Variants in LRRIQ3 observed in about 807,000 individuals in gnomAD.
LRRIQ3 encodes leucine rich repeats and IQ motif containing 3.
In LRRIQ3, 75 loss-of-function variants were observed where a neutral mutation model predicts 59.3. That is an observed-to-expected ratio of 1.26 (90% CI 1.05 to 1.53). LRRIQ3 has a LOEUF of 1.53. LRRIQ3 is among the 40% of genes most tolerant of loss of function. The probability of loss-of-function intolerance (pLI) is 0.00; values close to 1 mark genes in which losing one functional copy is unlikely to be tolerated. For synonymous variants in LRRIQ3, 250 were observed against 231.3 expected, an observed-to-expected ratio of 1.08 and a Z score of -0.73; for missense variants, 831 against 710.0, an observed-to-expected ratio of 1.17 and a Z score of -1.94.
rs188676722 is a variant in LRRIQ3 at position 74,108,482 on chromosome 1, T to C, written c.867+912A>G. Among the ~76,000 whole-genome samples, 372 of 151,890 alleles carry C rather than the reference T, an allele frequency of 2.4e-3. 3 individuals are homozygous for C. In the Middle Eastern group the frequency reaches 0.048, roughly 19 times the overall value. ...CACACGATTTAAGGAGTTGAGAACA[T>C]TACTATGCTATATCTGGAACACAGG... On this transcript the variant is annotated intron_variant, in intron 5 of 7. Coordinates refer to ENST00000354431, the MANE Select transcript of LRRIQ3 (RefSeq NM_001105659.2).
chr1:74,187,720 C>G (rs992628863), intron 1 of LRRIQ3, among the ~76,000 whole-genome samples: 2 of 151,658 alleles, frequency 1.3e-5, no homozygotes, highest in African/African-American at 2.4e-5. Flanking sequence ...GCACCTGTAC[C>G]CCAACAACTA....
At chr1:74,119,143 TTA>T (rs1553167914) in intron 4 of LRRIQ3, among the ~76,000 whole-genome samples, 2 of 52,944 alleles carry the variant, frequency 3.8e-5, no homozygotes, top group Non-Finnish European at 1.2e-4. Context: ...AATTGTCATT[TTA>T]TTTTTTAAAA....
intron 1 of LRRIQ3, among the ~76,000 whole-genome samples, chr1:74,186,432 T>G (rs1650384665): frequency 6.6e-6 from 1 of 152,218 alleles, no homozygotes; most frequent in South Asian, 2.1e-4. Context: ...TCTACACTTG[T>G]GTGAGACATT....
chr1:74,080,650 G>C (rs1646263625), intron 5 of LRRIQ3, among the ~76,000 whole-genome samples: 1 of 151,664 alleles, frequency 6.6e-6, no homozygotes, highest in African/African-American at 2.4e-5. Flanking sequence ...CATTCTGAAT[G>C]ATACAAATCA....
chr1:74,185,028 T>G (rs1650268421), intron 1 of LRRIQ3, among the ~76,000 whole-genome samples: 4 of 152,184 alleles, frequency 2.6e-5, no homozygotes, highest in Admixed American at 2.6e-4. Context: ...ATGGATGCAC[T>G]ATGGTTTGGT....
intron 6 of LRRIQ3, among the ~76,000 whole-genome samples, chr1:74,071,197 G>A (rs922969819): frequency 2.0e-5 from 3 of 151,914 alleles, no homozygotes; most frequent in Middle Eastern, 3.4e-3. Context: ...TTTAGAGACA[G>A]GGTCTCGCTG....
At chr1:74,165,024 G>C (rs1648888632) in intron 3 of LRRIQ3, among the ~76,000 whole-genome samples, 1 of 151,386 alleles carries the variant, frequency 6.6e-6, no homozygotes, top group Non-Finnish European at 1.5e-5. Flanking sequence ...TGATCTATGT[G>C]CCCATGTGTT....
chr1:74,098,472 A>T (rs1009027169), intron 5 of LRRIQ3, among the ~76,000 whole-genome samples: 1 of 152,150 alleles, frequency 6.6e-6, no homozygotes, highest in Non-Finnish European at 1.5e-5. Context: ...TTAACTCCCC[A>T]CTGTCAACAT....
chr1:74,072,012 A>T (rs1021307357), intron 6 of LRRIQ3, among the ~76,000 whole-genome samples: 22 of 152,182 alleles, frequency 1.4e-4, no homozygotes, highest in African/African-American at 4.8e-4. Flanking sequence ...CAATATAAGG[A>T]TTAGAAAATA....
At chr1:74,138,559 A>G in intron 4 of LRRIQ3, 1 of 909,454 alleles carries the variant, frequency 1.1e-6, no homozygotes, top group Non-Finnish European at 1.3e-6. Flanking sequence ...GGAACTCTTC[A>G]GGAGAGTGAA....
chr1:74,156,010 T>C (rs1184228377), intron 3 of LRRIQ3, 144 bp from the exon 4 acceptor site: 5 of 505,426 alleles, frequency 9.9e-6, no homozygotes, highest in Non-Finnish European at 1.6e-5. Context: ...AATTATGATA[T>C]GGTTGGATGT....
At chr1:74,138,542 T>G (rs1022479613) in intron 4 of LRRIQ3, 2 of 965,828 alleles carry the variant, frequency 2.1e-6, no homozygotes, top group African/African-American at 3.5e-5. Context: ...GGAGAAAAAC[T>G]GCAAGTGGAA....
intron 6 of LRRIQ3, among the ~76,000 whole-genome samples, chr1:74,049,559 A>G (rs1354801940): frequency 3.3e-5 from 5 of 152,198 alleles, no homozygotes; most frequent in Admixed American, 1.3e-4. Context: ...GAAAAAAATC[A>G]AAGATGAATG....
chr1:74,144,693 A>T (rs1199266209), intron 4 of LRRIQ3: 1 of 162,594 alleles, frequency 6.2e-6, no homozygotes, highest in African/African-American at 2.4e-5. Flanking sequence ...CATATGTTCT[A>T]TTGCATATTT....
intron 7 of LRRIQ3, among the ~76,000 whole-genome samples, chr1:74,029,455 T>C (rs1439935568): frequency 2.6e-5 from 4 of 152,116 alleles, no homozygotes; most frequent in African/African-American, 9.7e-5. Flanking sequence ...ATTGAGATAA[T>C]CATGTGGTTT....
chr1:74,167,170 G>A (rs1254597689), intron 3 of LRRIQ3, among the ~76,000 whole-genome samples: 1 of 151,898 alleles, frequency 6.6e-6, no homozygotes, highest in African/African-American at 2.4e-5. Context: ...GTTTAGAGCA[G>A]CACAATTTGG....
chr1:74,139,483 A>G (rs1647193655), intron 4 of LRRIQ3, among the ~76,000 whole-genome samples: 1 of 151,886 alleles, frequency 6.6e-6, no homozygotes, highest in African/African-American at 2.4e-5. Context: ...GTACCCATAA[A>G]TACCTTTATC....
At chr1:74,079,876 C>T (rs1354391478) in intron 5 of LRRIQ3, among the ~76,000 whole-genome samples, 1 of 151,700 alleles carries the variant, frequency 6.6e-6, no homozygotes, top group African/African-American at 2.4e-5. Context: ...CAGGACTTTG[C>T]CCCAATAACA....
Position 74,180,828 on chromosome 1 carries a change from T to C in LRRIQ3, c.573+1710A>G, listed in dbSNP as rs1033901374. ...CCAAGGAAACAATGAGGAATAAATA[T>C]TCTTCAAAAAGGCCTTCCCCATCCA... On this transcript the variant is annotated intron_variant, in intron 3 of 7. Transcript: ENST00000354431. 2.6e-6 allele frequency: 4 copies of C among 1,545,168 alleles called. No homozygotes were observed. The African/African-American group carries it at 4.1e-5, about 16-fold the overall frequency.
Sources: gnomAD v4.1 joint callset for allele counts (sites outside exome capture counted in the v4.1 genomes callset) on GRCh38, gnomAD v4.1.1 for gene constraint, MANE v1.5 for transcripts, NCBI Gene and HGNC (gene_info 2026-07-23, HGNC 2026-07-21) for gene names.